XPNPEP1: variants seen among roughly 807,000 people sequenced by gnomAD.
The protein encoded by XPNPEP1 is X-prolyl aminopeptidase 1.
In XPNPEP1, 39 loss-of-function variants were observed where a neutral mutation model predicts 92.4. That is an observed-to-expected ratio of 0.42 (90% confidence interval 0.33 to 0.55). The LOEUF (loss-of-function observed/expected upper bound fraction) is 0.55, where lower values mean the gene tolerates loss of function less well. XPNPEP1 is among the 20% of genes least tolerant of loss of function. The probability of loss-of-function intolerance (pLI) is 0.08; values close to 1 mark genes in which losing one functional copy is unlikely to be tolerated. For missense variants in XPNPEP1, 654 were observed against 856.1 expected, an observed-to-expected ratio of 0.76 and a Z score of 2.95; for synonymous variants, 307 against 299.4, an observed-to-expected ratio of 1.03 and a Z score of -0.26.
chr10:109,879,307 C>T (rs1474012116), intron 12 of XPNPEP1, among the ~76,000 whole-genome samples: 1 of 151,440 alleles, frequency 6.6e-6, no homozygotes, highest in Non-Finnish European at 1.5e-5. Context: ...CATGGTGGCT[C>T]ATGCCTGTAA....
rs192900321 is a variant in XPNPEP1 at position 109,914,287 on chromosome 10, G to C, written c.121+724C>G. Among the ~76,000 whole-genome samples, 13 of 152,206 alleles carry C rather than the reference G, an allele frequency of 8.5e-5. No homozygotes were observed. In the East Asian group the frequency reaches 2.5e-3, roughly 29 times the overall value. ...CTAAATGCACACTCAATTTATAAAG[G>C]ACAATAATATATTACAAGCTTTTCT... On this transcript the variant is annotated intron_variant, in intron 2 of 20. Transcript: ENST00000502935.
At chr10:109,920,653 C>A (rs1386062532) in intron 1 of XPNPEP1, among the ~76,000 whole-genome samples, 2 of 152,180 alleles carry the variant, frequency 1.3e-5, no homozygotes, top group African/African-American at 4.8e-5. Flanking sequence ...TCTCCTGCCT[C>A]AATCTCCCAA....
chr10:109,888,353 G>C (rs1848513978), intron 6 of XPNPEP1, 150 bp downstream of exon 6: 1 of 1,232,208 alleles, frequency 8.1e-7, no homozygotes, highest in African/African-American at 1.5e-5. Context: ...TTCACCACCA[G>C]TGGAACTCTT....
intron 19 of XPNPEP1, chr10:109,869,727 G>A (rs7358051): frequency 4.3e-5 from 20 of 463,782 alleles, no homozygotes; most frequent in Non-Finnish European, 7.4e-5. Context: ...TTGCAGGGAA[G>A]GAGTGTGGTT....
rs752980941 is a variant in XPNPEP1 at position 109,891,543 on chromosome 10, T to C, written c.415+179A>G. ...TATCCTGAACCAGCGTCCTCCAAAA[T>C]TGAATGCACATTGGTACGTATGTAT... On this transcript the variant is annotated intron_variant, in intron 5 of 20. Transcript: ENST00000502935. 47 of 458,832 alleles carry C rather than the reference T, an allele frequency of 1.0e-4. 1 individual carries two copies. Among genetic ancestry groups the C allele is most frequent in the Non-Finnish European group, 1.6e-4 (41 of 262,612 alleles). The allele number at this position is 458,832 out of a possible 1,614,324, so 28.4% of individuals were successfully genotyped here. A position where few individuals can be genotyped will look rare whatever the true frequency, so the allele number is the denominator to read the frequency against.
At chr10:109,906,197 GAC>G (rs1248693342) in intron 3 of XPNPEP1, among the ~76,000 whole-genome samples, 2 of 152,022 alleles carry the variant, frequency 1.3e-5, no homozygotes, top group Non-Finnish European at 2.9e-5. Flanking sequence ...CACACACACA[GAC>G]ACAGACACGC....
Position 109,870,982 on chromosome 10 carries a change from C to G in XPNPEP1, c.1523-78G>C, listed in dbSNP as rs559074500. 5 of 1,494,818 alleles carry G rather than the reference C, an allele frequency of 3.3e-6. No individual in the cohort carries two copies. In the African/African-American group the frequency reaches 5.6e-5, roughly 17 times the overall value. 92.6% of individuals were successfully genotyped at this position (1,494,818 alleles called of 1,614,324 possible). ...AAATTTATTATGTGTGGCTCCAGAA[C>G]GTGAAACAGAAACCAATAGGTAAGT... On this transcript the variant is annotated intron_variant, in intron 17 of 20. Transcript: ENST00000502935.
At chr10:109,877,684 G>T in intron 14 of XPNPEP1, 106 bp downstream of exon 14, 1 of 1,313,716 alleles carries the variant, frequency 7.6e-7, no homozygotes, top group Non-Finnish European at 1.1e-6. Flanking sequence ...TCAACAGACA[G>T]ATGAAGGTGG....
intron 1 of XPNPEP1, among the ~76,000 whole-genome samples, chr10:109,920,665 G>C (rs1456125638): frequency 6.6e-6 from 1 of 151,870 alleles, no homozygotes; most frequent in African/African-American, 2.4e-5. Flanking sequence ...ATCTCCCAAG[G>C]ACCTAGGACT....
intron 1 of XPNPEP1, among the ~76,000 whole-genome samples, chr10:109,915,394 A>G (rs887455634): frequency 1.3e-5 from 2 of 152,230 alleles, no homozygotes; most frequent in East Asian, 1.9e-4. Flanking sequence ...CACAAGTTCT[A>G]TTTGGTTCTT....
intron 3 of XPNPEP1, among the ~76,000 whole-genome samples, chr10:109,902,931 C>T (rs1849362664): frequency 1.3e-5 from 2 of 152,308 alleles, no homozygotes; most frequent in Admixed American, 6.5e-5. Context: ...GCCTCACTGC[C>T]ACTCCCAGAA....
Position 109,907,920 on chromosome 10 carries a change from C to T in XPNPEP1, c.122-105G>A, listed in dbSNP as rs1438663823. The T allele has an allele frequency of 3.3e-6, 5 of 1,512,610 alleles. No homozygotes were observed. In the African/African-American group the frequency reaches 5.5e-5, roughly 17 times the overall value. 93.7% of individuals were successfully genotyped at this position (1,512,610 alleles called of 1,614,324 possible). A position where few individuals can be genotyped will look rare whatever the true frequency, so the allele number is the denominator to read the frequency against. On this transcript the variant is annotated intron_variant, in intron 2 of 20. Coordinates refer to ENST00000502935, the MANE Select transcript of XPNPEP1 (RefSeq NM_020383.4). ...GAAGTGCCTTCTACGTTCTGCCCCA[C>T]TCCCAGTTAGGTCTTCAAATTGATC... is the stretch of plus-strand genomic sequence containing the variant.
At chr10:109,921,825 T>C (rs1248646123) in intron 1 of XPNPEP1, among the ~76,000 whole-genome samples, 1 of 152,230 alleles carries the variant, frequency 6.6e-6, no homozygotes, top group African/African-American at 2.4e-5. Context: ...CCATAATGAT[T>C]GGTTCACAGA....
chr10:109,917,974 A>G (rs185310433), intron 1 of XPNPEP1, among the ~76,000 whole-genome samples: 12 of 152,242 alleles, frequency 7.9e-5, no homozygotes, highest in African/African-American at 2.9e-4. Context: ...TTAGTCAGGC[A>G]TGGTGGTGTG....
intron 3 of XPNPEP1, 110 bp from the exon 4 acceptor site, chr10:109,893,185 C>T (rs1848795807): frequency 4.1e-6 from 4 of 985,578 alleles, no homozygotes; most frequent in Non-Finnish European, 6.1e-6. Flanking sequence ...CTGGGGAATC[C>T]TTGGCCCCCG....
intron 7 of XPNPEP1, 102 bp downstream of exon 7, chr10:109,887,947 A>G (rs112367389): frequency 6.7e-7 from 1 of 1,495,506 alleles, no homozygotes; most frequent in Non-Finnish European, 9.0e-7. Context: ...TCCTCCTGTC[A>G]GCTCCAACTC....
chr10:109,887,930 G>A (rs934130696), intron 7 of XPNPEP1, 119 bp downstream of exon 7: 20 of 1,429,130 alleles, frequency 1.4e-5, no homozygotes, highest in Non-Finnish European at 1.8e-5. Context: ...GGCAGAGTAG[G>A]GCAAAATCCT....
intron 5 of XPNPEP1, among the ~76,000 whole-genome samples, chr10:109,890,579 TGTGTGTGTGTGTGTGAGAGAGAGA>T (rs1371733792): frequency 3.3e-5 from 3 of 90,738 alleles, no homozygotes; most frequent in African/African-American, 1.4e-4. Flanking sequence ...TGTGTGTGTG[TGTGTGTGTGTGTGTGAGAGAGAGA>T]GAGAGAGAGA....
chr10:109,880,132 T>C, intron 12 of XPNPEP1, 56 bp downstream of exon 12: 1 of 1,548,712 alleles, frequency 6.5e-7, no homozygotes. Flanking sequence ...TAGAATCACA[T>C]ATAGGTAGGT....
Sources: allele counts gnomAD v4.1 joint callset (sites outside exome capture counted in the v4.1 genomes callset), GRCh38; gene constraint gnomAD v4.1.1; transcripts MANE v1.5; gene names NCBI Gene and HGNC (gene_info 2026-07-23, HGNC 2026-07-21).